Variants in GPHN observed in about 807,000 individuals in gnomAD.
GPHN encodes gephyrin.
Under a neutral mutation model 95.5 loss-of-function variants are expected in GPHN, and 17 were observed. The observed-to-expected ratio is 0.18, with a 90% CI of 0.12 to 0.27. The LOEUF (loss-of-function observed/expected upper bound fraction) is 0.27, where lower values mean the gene tolerates loss of function less well. Among genes scored for constraint, GPHN ranks in the 10% least tolerant of loss-of-function variants. GPHN has a pLI of 1.00. For synonymous variants in GPHN, 320 were observed against 322.5 expected (o/e 0.99, Z 0.08); for missense variants, 660 against 978.1 (o/e 0.67, Z 4.34).
chr14:67,155,790 C>A (rs1335452992), intron 18 of GPHN, among the ~76,000 whole-genome samples: 1 of 151,782 alleles, frequency 6.6e-6, no homozygotes, highest in Non-Finnish European at 1.5e-5. Flanking sequence ...CTACTAATCT[C>A]GAGCCGGATA....
At chr14:66,738,609 AAT>A (rs2072503516) in intron 2 of GPHN, among the ~76,000 whole-genome samples, 1 of 152,314 alleles carries the variant, frequency 6.6e-6, no homozygotes, top group Non-Finnish European at 1.5e-5. Context: ...CATTTAAAAA[AAT>A]AGTTTTAAAC....
At chr14:66,719,391 A>G (rs1003416648) in intron 2 of GPHN, among the ~76,000 whole-genome samples, 8 of 152,194 alleles carry the variant, frequency 5.3e-5, no homozygotes, top group African/African-American at 1.9e-4. Flanking sequence ...CTTTTCCCAT[A>G]AACTAGACAT....
intron 1 of GPHN, among the ~76,000 whole-genome samples, chr14:66,663,082 A>G (rs1304795719): frequency 6.6e-6 from 1 of 152,184 alleles, no homozygotes; most frequent in Non-Finnish European, 1.5e-5. Flanking sequence ...GACTTCCCCA[A>G]CCTAGCTAGA....
intron 21 of GPHN, among the ~76,000 whole-genome samples, chr14:67,172,275 A>G (rs1026869762): frequency 2.0e-5 from 3 of 152,098 alleles, no homozygotes; most frequent in African/African-American, 7.2e-5. Flanking sequence ...CCCCTCAGCC[A>G]GAGCTAAAGC....
intron 11 of GPHN, among the ~76,000 whole-genome samples, chr14:67,080,475 A>C (rs1431049378): frequency 6.6e-6 from 1 of 152,116 alleles, no homozygotes; most frequent in East Asian, 1.9e-4. Flanking sequence ...ATCCCAAAAA[A>C]AAATCATTGC....
the GPHN span, among the ~76,000 whole-genome samples, chr14:67,517,389 G>A: frequency 1.9e-4 from 29 of 152,332 alleles, no homozygotes; most frequent in African/African-American, 6.3e-4. Context: ...CACGGTAGGC[G>A]CCGGGCTCAG....
At chr14:66,665,540 C>A (rs2153379948) in intron 1 of GPHN, among the ~76,000 whole-genome samples, 1 of 152,260 alleles carries the variant, frequency 6.6e-6, no homozygotes, top group Non-Finnish European at 1.5e-5. Flanking sequence ...CAAATCAAAA[C>A]CACAATGAGA....
the GPHN span, chr14:67,573,854 A>G: frequency 6.2e-7 from 1 of 1,613,738 alleles, no homozygotes; most frequent in South Asian, 1.1e-5. This position sits in a 1 kb window ranked among gnomAD's most constrained non-coding sequence, Gnocchi z 4.8. Flanking sequence ...CCCGCTGCCA[A>G]ATTGTTCGAG....
At chr14:67,078,399 G>T (rs1480433055) in intron 11 of GPHN, among the ~76,000 whole-genome samples, 3 of 152,076 alleles carry the variant, frequency 2.0e-5, no homozygotes, top group African/African-American at 4.8e-5. Flanking sequence ...TCTACCAAAT[G>T]CTAAACTTAA....
intron 3 of GPHN, among the ~76,000 whole-genome samples, chr14:66,805,796 AG>A (rs1359638842): frequency 6.6e-6 from 1 of 152,200 alleles, no homozygotes; most frequent in Non-Finnish European, 1.5e-5. Flanking sequence ...TGCAGGGTAC[AG>A]CCTCCCTCCC....
intron 10 of GPHN, among the ~76,000 whole-genome samples, chr14:67,031,577 T>C (rs569963584): frequency 1.3e-5 from 2 of 152,294 alleles, no homozygotes; most frequent in South Asian, 4.1e-4. Context: ...GCTATATCCT[T>C]ATGTAGTTTA....
chr14:66,625,752 C>T (rs1393743769), intron 1 of GPHN, among the ~76,000 whole-genome samples: 2 of 152,036 alleles, frequency 1.3e-5, no homozygotes, highest in African/African-American at 4.8e-5. Context: ...TTGTTTATTC[C>T]CAAATCCTTT....
chr14:67,369,290 G>T, the GPHN span, among the ~76,000 whole-genome samples: 1 of 152,218 alleles, frequency 6.6e-6, no homozygotes, highest in Non-Finnish European at 1.5e-5. Flanking sequence ...ATTTTGTAAT[G>T]ATAAAGGGTC....
At chr14:66,899,135 TTG>T (rs1197662433) in intron 5 of GPHN, among the ~76,000 whole-genome samples, 4 of 151,204 alleles carry the variant, frequency 2.6e-5, no homozygotes, top group Admixed American at 6.6e-5. Context: ...TTTTTTTTTT[TTG>T]TTTTTTGTTT....
the GPHN span, chr14:67,589,575 A>G: frequency 1.0e-6 from 1 of 985,342 alleles, no homozygotes; most frequent in African/African-American, 1.7e-5. Context: ...AACAGTAAAT[A>G]AATAAGCCCT....
intron 2 of GPHN, among the ~76,000 whole-genome samples, chr14:66,706,541 T>G (rs1164200686): frequency 6.6e-6 from 1 of 152,030 alleles, no homozygotes; most frequent in East Asian, 1.9e-4. Flanking sequence ...TTGACAAAGC[T>G]GAAAAAAACA....
At chr14:67,346,432 C>A in the GPHN span, among the ~76,000 whole-genome samples, 1 of 152,210 alleles carries the variant, frequency 6.6e-6, no homozygotes, top group Non-Finnish European at 1.5e-5. Context: ...CCACCTCGGC[C>A]TCCCGAGTAG....
the GPHN span, chr14:67,653,405 A>C: frequency 1.9e-6 from 3 of 1,601,152 alleles, no homozygotes; most frequent in East Asian, 6.7e-5. Context: ...CCACTGAGTT[A>C]AGAGAAATTT....
the GPHN span, among the ~76,000 whole-genome samples, chr14:67,287,824 C>T: frequency 6.6e-6 from 1 of 152,206 alleles, no homozygotes; most frequent in Non-Finnish European, 1.5e-5. Flanking sequence ...CAGTAGTTAA[C>T]AGCCGAAAGG....
Sources: allele counts gnomAD v4.1 joint callset (sites outside exome capture counted in the v4.1 genomes callset), GRCh38; gene constraint gnomAD v4.1.1; non-coding constraint Gnocchi (gnomAD v3.1); transcripts MANE v1.5; gene names NCBI Gene and HGNC (gene_info 2026-07-23, HGNC 2026-07-21).